AKAP8L: variants seen among roughly 807,000 people sequenced by gnomAD.
The protein encoded by AKAP8L is A-kinase anchor protein 8-like.
A neutral mutation model predicts 77.5 loss-of-function variants in AKAP8L; 34 were observed. The observed-to-expected ratio is 0.44, with a 90% confidence interval of 0.33 to 0.58. The LOEUF (loss-of-function observed/expected upper bound fraction) is 0.58, where lower values mean the gene tolerates loss of function less well. Ranked by LOEUF, AKAP8L falls within the 20% of genes least tolerant of loss-of-function variation. The pLI is 0.02. For synonymous variants in AKAP8L, 342 were observed against 340.7 expected, an observed-to-expected ratio of 1.00 and a Z score of -0.04; for missense variants, 806 against 887.6, an observed-to-expected ratio of 0.91 and a Z score of 1.17.
chr19:15,395,713 G>A (rs544309477), intron 12 of AKAP8L, among the ~76,000 whole-genome samples: 26 of 150,446 alleles, frequency 1.7e-4, no homozygotes, highest in East Asian at 6.0e-4. Context: ...GGCCGGGCGC[G>A]GTGGCTCACG....
Position 15,401,577 on chromosome 19 carries a change from G to C in AKAP8L, c.389C>G (p.Ser130Trp). 2 of 1,606,382 alleles carry C rather than the reference G, an allele frequency of 1.2e-6. No homozygotes were observed. Among genetic ancestry groups the C allele is most frequent in the Non-Finnish European group, 1.7e-6 (2 of 1,177,170 alleles). ...GTCGCGCTCACTCAGGACGGCCCTC[G>C]AGTCGCAGGACTCATAAGAGTCATA... ...ERYDSYESCD[S>W]RAVLSERDLY... Residue 130 changes from serine to tryptophan, a missense_variant, in exon 5 of 14, where the codon TCG becomes TGG. Physicochemically the swap from Ser to Trp is radical, Grantham distance 177. Around this residue, in one of 2 missense-constraint regions of AKAP8L, gnomAD observed 580 missense variants for 694.1 expected, o/e 0.84. Coordinates refer to ENST00000397410, the MANE Select transcript of AKAP8L (RefSeq NM_014371.4). This position sits in a 1 kb window ranked among gnomAD's most constrained non-coding sequence, Gnocchi z 6.2.
intron 2 of AKAP8L, among the ~76,000 whole-genome samples, chr19:15,408,518 G>A (rs1227010605): frequency 3.3e-5 from 5 of 149,378 alleles, no homozygotes; most frequent in East Asian, 2.0e-4. Context: ...AGCTGAGATC[G>A]CGCCATTGCA....
At chr19:15,387,242 G>T (rs934968679) in intron 12 of AKAP8L, among the ~76,000 whole-genome samples, 14 of 152,218 alleles carry the variant, frequency 9.2e-5, no homozygotes, top group African/African-American at 3.4e-4. Flanking sequence ...CACTCAGAGA[G>T]AGGTACTCCA....
At chr19:15,406,365 GA>G (rs1568271586) in intron 2 of AKAP8L, among the ~76,000 whole-genome samples, 18 of 114,688 alleles carry the variant, frequency 1.6e-4, no homozygotes, top group South Asian at 8.8e-4. Flanking sequence ...ATTTTAAGGA[GA>G]GAGAGAGAGA....
Position 15,401,060 on chromosome 19 carries a change from G to A in AKAP8L, c.817-17C>T. 4 of 1,610,930 alleles carry A rather than the reference G, an allele frequency of 2.5e-6. No individual in the cohort carries two copies. ...CTTCTTGGTCTGGGTCATAAGGGGG[G>A]GAAGCCGTGTCAGGGTGCATGGCAC... On this transcript the variant is annotated splice_polypyrimidine_tract_variant and intron_variant, in intron 5 of 13. Coordinates refer to ENST00000397410, the MANE Select transcript of AKAP8L (RefSeq NM_014371.4). The surrounding 1 kb of genome is among the most constrained non-coding windows in gnomAD (Gnocchi z 6.2).
Position 15,380,096 on chromosome 19 carries a change from C to A in AKAP8L, c.*26G>T. ...GGTTTGGTTTCCAGCTTCGGCCACGCGGGCTCCGCCCGCCCCGAGCTCGGG... is the reference window on the plus strand; with the variant it reads ...GGTTTGGTTTCCAGCTTCGGCCACGAGGGCTCCGCCCGCCCCGAGCTCGGG... On this transcript the variant is annotated 3_prime_UTR_variant, in exon 14 of 14. Transcript: ENST00000397410. The A allele has an allele frequency of 4.1e-6, 6 of 1,456,536 alleles. No individual in the cohort carries two copies. Among genetic ancestry groups the A allele is most frequent in the Non-Finnish European group, 5.4e-6 (6 of 1,116,994 alleles). The allele number at this position is 1,456,536 out of a possible 1,614,324, so 90.2% of individuals were successfully genotyped here.
At chr19:15,394,118 A>T (rs1430781205) in intron 12 of AKAP8L, among the ~76,000 whole-genome samples, 2 of 152,190 alleles carry the variant, frequency 1.3e-5, no homozygotes, top group East Asian at 3.8e-4. Flanking sequence ...AAACTTGCAC[A>T]ATAATGTTTC....
chr19:15,418,952 G>C lies in AKAP8L; in HGVS notation c.-29C>G. On this transcript the variant is annotated 5_prime_UTR_variant, in exon 1 of 14. Coordinates refer to ENST00000397410, the MANE Select transcript of AKAP8L (RefSeq NM_014371.4). ...GGCGGGCAACACAACATCCGACGACGCCGGCTTCTGCTGCTCTGAACATCC... is the reference window on the plus strand; with the variant it reads ...GGCGGGCAACACAACATCCGACGACCCCGGCTTCTGCTGCTCTGAACATCC... 1 of 1,603,984 alleles carries C rather than the reference G, an allele frequency of 6.2e-7. No individual in the cohort carries two copies. The highest frequency in any genetic ancestry group is 8.5e-7 in the Non-Finnish European group (1 of 1,179,386).
At chr19:15,396,129 A>G (rs190324224) in intron 12 of AKAP8L, among the ~76,000 whole-genome samples, 2 of 152,144 alleles carry the variant, frequency 1.3e-5, no homozygotes, top group East Asian at 3.9e-4. Flanking sequence ...GAGACCCCTG[A>G]CCCTGTCCAC....
rs937903108 is a variant in AKAP8L at position 15,399,218 on chromosome 19, C to T, written c.1157+84G>A. On this transcript the variant is annotated intron_variant, in intron 9 of 13. Coordinates refer to ENST00000397410, the MANE Select transcript of AKAP8L (RefSeq NM_014371.4). This position sits in a 1 kb window ranked among gnomAD's most constrained non-coding sequence, Gnocchi z 6.1. ...GCTCCCAAGGGAGGCCAGAGGGCGG[C>T]GAGCTGGCAGAGCTATGGCCCTGCT... 3.1e-5 allele frequency: 40 copies of T among 1,286,380 alleles called. No individual in the cohort carries two copies. The highest frequency in any genetic ancestry group is 1.9e-4 in the Middle Eastern group (1 of 5,348). The allele number at this position is 1,286,380 out of a possible 1,614,324, so 79.7% of individuals were successfully genotyped here.
rs770156430 is a variant in AKAP8L, at chr19:15,400,851, C to T, written c.927G>A (p.Glu309=). Residue 309 remains glutamate (E), a synonymous_variant, in exon 7 of 14, where the codon GAG becomes GAA. Transcript: ENST00000397410. The stretch of plus-strand genomic sequence containing the variant: ...CTTCAAGGCCCTCTGTGGCTTCCCC[C>T]TCGGTGCCCTCATCTGAAAGGGAAA... ...NSDSDNDEGT[E]GEATEGLEGT... is the part of the protein sequence containing the mutation. 2.5e-6 allele frequency: 4 copies of T among 1,614,042 alleles called. No individual in the cohort carries two copies. Among genetic ancestry groups the T allele is most frequent in the South Asian group, 2.2e-5 (2 of 91,086 alleles).
chr19:15,400,516 T>G lies in AKAP8L; in HGVS notation c.985-158A>C, dbSNP rs1036489518. 1.7e-5 allele frequency: 13 copies of G among 777,942 alleles called. No individual in the cohort carries two copies. The Admixed American group carries it at 3.7e-4, about 22-fold the overall frequency. 48.2% of individuals were successfully genotyped at this position (777,942 alleles called of 1,614,324 possible). A position where few individuals can be genotyped will look rare whatever the true frequency, so the allele number is the denominator to read the frequency against. ...GCAGGGTGGCCCAGAGTAGCCCAGTTATTTACAATGGCTTTAAATGACAAG... is the reference window on the plus strand; with the variant it reads ...GCAGGGTGGCCCAGAGTAGCCCAGTGATTTACAATGGCTTTAAATGACAAG... On this transcript the variant is annotated intron_variant, in intron 7 of 13. Transcript: ENST00000397410.
chr19:15,381,063 G>A (rs1471491642), intron 12 of AKAP8L: 1 of 162,080 alleles, frequency 6.2e-6, no homozygotes, highest in Non-Finnish European at 1.4e-5. Context: ...AGAATTCCAA[G>A]AATGAAGAAT....
At chr19:15,388,133 C>A (rs908322152) in intron 12 of AKAP8L, among the ~76,000 whole-genome samples, 1 of 152,136 alleles carries the variant, frequency 6.6e-6, no homozygotes, top group East Asian at 1.9e-4. Flanking sequence ...AGAGCGAGCC[C>A]ATGGCTTCCT....
chr19:15,417,354 A>G (rs962418970), intron 1 of AKAP8L, among the ~76,000 whole-genome samples: 3 of 152,198 alleles, frequency 2.0e-5, no homozygotes, highest in African/African-American at 7.2e-5. Flanking sequence ...GAACTAGGAA[A>G]GCTACAGAAA....
chr19:15,388,907 C>T (rs1312771881), intron 12 of AKAP8L, among the ~76,000 whole-genome samples: 1 of 142,672 alleles, frequency 7.0e-6, no homozygotes, highest in African/African-American at 2.6e-5. Flanking sequence ...CAGAGCTAGA[C>T]TCCATCTCTA....
Position 15,403,851 on chromosome 19 carries a change from G to A in AKAP8L, c.122-136C>T. 2.8e-6 allele frequency: 3 copies of A among 1,058,212 alleles called. No individual in the cohort carries two copies. Among genetic ancestry groups the A allele is most frequent in the South Asian group, 3.0e-5 (2 of 67,600 alleles). 65.6% of individuals were successfully genotyped at this position (1,058,212 alleles called of 1,614,324 possible). Reference sequence around the variant, plus strand: ...GACCCTAGCCACTGAAGCTAGATGGGCCCTGGTCATTCTGATGAGGGCCTC... The same window carrying A: ...GACCCTAGCCACTGAAGCTAGATGGACCCTGGTCATTCTGATGAGGGCCTC... On this transcript the variant is annotated intron_variant, in intron 3 of 13. Coordinates refer to ENST00000397410, the MANE Select transcript of AKAP8L (RefSeq NM_014371.4). This position sits in a 1 kb window ranked among gnomAD's most constrained non-coding sequence, Gnocchi z 4.3.
chr19:15,380,881 T>C (rs569545913), intron 12 of AKAP8L: 93 of 479,310 alleles, frequency 1.9e-4, no homozygotes, highest in African/African-American at 1.7e-3. Context: ...AGAAATCTGA[T>C]TTGCTTACAA....
At position 15,397,190 on chromosome 19, in the gene AKAP8L, T is replaced by C; in HGVS notation, c.1496A>G (p.Gln499Arg). The change falls in exon 12 of 14, where the codon CAG becomes CGG. Residue 499 changes from glutamine (Q) to arginine (R), a missense_variant. Gln to Arg is a conservative substitution (Grantham distance 43). This residue lies in a region of AKAP8L where 580 missense variants were observed against 694.1 expected (regional missense o/e 0.84). Transcript: ENST00000397410. This position sits in a 1 kb window ranked among gnomAD's most constrained non-coding sequence, Gnocchi z 4.7. ...GTGATCCATGGTCTTCAGATGCTTCTGGATGATCCCAAACTGCATGGGAAT... is the reference window on the plus strand; with the variant it reads ...GTGATCCATGGTCTTCAGATGCTTCCGGATGATCCCAAACTGCATGGGAAT... Reference protein sequence around the residue: ...LFIPMQFGIIQKHLKTMDHNR... With the variant: ...LFIPMQFGIIRKHLKTMDHNR... The C allele has an allele frequency of 6.2e-7, 1 of 1,614,022 alleles. No homozygotes were observed. Among genetic ancestry groups the C allele is most frequent in the Non-Finnish European group, 8.5e-7 (1 of 1,179,906 alleles).
Sources: gnomAD v4.1 joint callset for allele counts (sites outside exome capture counted in the v4.1 genomes callset) on GRCh38, gnomAD v4.1.1 for gene constraint, gnomAD v4.1.1 regional missense constraint, Gnocchi (gnomAD v3.1) non-coding constraint, MANE v1.5 for transcripts, NCBI Gene and HGNC (gene_info 2026-07-23, HGNC 2026-07-21) for gene names.